Variants in RBM38 observed in about 807,000 individuals in gnomAD.
The protein encoded by RBM38 is RNA binding motif protein 38.
A neutral mutation model predicts 23.5 loss-of-function variants in RBM38; 11 were observed. The ratio of observed to expected loss-of-function variants is 0.47; its 90% confidence interval spans 0.29 to 0.77. RBM38 has a LOEUF of 0.77. RBM38 is among the 30% of genes least tolerant of loss of function. The pLI is 0.08. For synonymous variants in RBM38, 165 were observed against 166.1 expected (o/e 0.99, Z 0.05); for missense variants, 330 against 351.9 (o/e 0.94, Z 0.50).
intron 3 of RBM38, 116 bp downstream of exon 3, chr20:57,393,449 G>C (rs1013811319): frequency 8.6e-6 from 10 of 1,168,576 alleles, no homozygotes; most frequent in Non-Finnish European, 1.3e-5. Flanking sequence ...ATTTGATTGC[G>C]TTTAAGCCAA....
chr20:57,398,231 G>A (rs1343509959), intron 3 of RBM38, among the ~76,000 whole-genome samples: 1 of 150,494 alleles, frequency 6.6e-6, no homozygotes, highest in East Asian at 1.9e-4. Flanking sequence ...AGCCAGAGGA[G>A]CTGTTTGCAG....
rs1317936935 is a variant in RBM38, at chr20:57,408,606, T to TG, written c.*761dup. ...AACCTATTTTTGACTTGGAGAGACTTGCTTTTGTTGGTTCCGCCCGTGGAG... is the reference window on the plus strand; with the variant it reads ...AACCTATTTTTGACTTGGAGAGACTTGGCTTTTGTTGGTTCCGCCCGTGGAG... On this transcript the variant is annotated 3_prime_UTR_variant, in exon 4 of 4. Coordinates refer to ENST00000356208, the MANE Select transcript of RBM38 (RefSeq NM_017495.6). 1.3e-5 allele frequency: 2 copies of TG among 152,176 alleles called. No homozygotes were observed. Among genetic ancestry groups the TG allele is most frequent in the Non-Finnish European group, 2.9e-5 (2 of 68,072 alleles). 9.4% of individuals were successfully genotyped at this position (152,176 alleles called of 1,614,324 possible). A position where few individuals can be genotyped will look rare whatever the true frequency, so the allele number is the denominator to read the frequency against.
rs1418807935 is a variant in RBM38, at chr20:57,407,540, C to T, written c.417-3C>T. On this transcript the variant is annotated splice_region_variant and splice_polypyrimidine_tract_variant and intron_variant, in intron 3 of 3. Transcript: ENST00000356208. This position sits in a 1 kb window ranked among gnomAD's most constrained non-coding sequence, Gnocchi z 4.0. ...CCCTAACCTGCTCTGCTTGGCCCCA[C>T]AGGCTGACCCCGCACTACATCTACC... 18 of 1,612,710 alleles carry T rather than the reference C, an allele frequency of 1.1e-5. No individual in the cohort carries two copies. Among genetic ancestry groups the T allele is most frequent in the East Asian group, 2.2e-5 (1 of 44,834 alleles).
At chr20:57,397,441 A>T (rs117577909) in intron 3 of RBM38, among the ~76,000 whole-genome samples, 2 of 152,182 alleles carry the variant, frequency 1.3e-5, no homozygotes, top group Non-Finnish European at 2.9e-5. Context: ...CTCGAGACTG[A>T]TGATGACCGT....
At chr20:57,392,390 C>T in intron 1 of RBM38, 1 of 1,508,652 alleles carries the variant, frequency 6.6e-7, no homozygotes, top group Non-Finnish European at 8.9e-7. Flanking sequence ...TTGCCCTATC[C>T]CCGCAGGGGA....
intron 3 of RBM38, among the ~76,000 whole-genome samples, chr20:57,398,317 T>C (rs901093271): frequency 1.3e-5 from 2 of 152,016 alleles, no homozygotes; most frequent in Non-Finnish European, 2.9e-5. Context: ...AAGGCTCCAC[T>C]GAGGATGGCG....
chr20:57,398,249 C>CGTGTGTGTGT, intron 3 of RBM38, among the ~76,000 whole-genome samples: 1 of 149,112 alleles, frequency 6.7e-6, no homozygotes, highest in South Asian at 2.1e-4. Flanking sequence ...CAGGTGATGG[C>CGTGTGTGTGT]GTGTGTGTGT....
chr20:57,394,304 C>G (rs535170046), intron 3 of RBM38, among the ~76,000 whole-genome samples: 2 of 152,242 alleles, frequency 1.3e-5, no homozygotes, highest in South Asian at 2.1e-4. Flanking sequence ...TCCTGTGGAA[C>G]CCGGCTGAGC....
chr20:57,406,747 AC>A (rs533873495), intron 3 of RBM38, among the ~76,000 whole-genome samples: 2 of 152,280 alleles, frequency 1.3e-5, no homozygotes, highest in African/African-American at 4.8e-5. Flanking sequence ...TAATCCCAGC[AC>A]TTTGGGAGGC....
intron 3 of RBM38, among the ~76,000 whole-genome samples, chr20:57,400,955 C>A (rs974578398): frequency 2.0e-5 from 3 of 152,160 alleles, no homozygotes; most frequent in African/African-American, 7.2e-5. Context: ...AGGGCCGATT[C>A]CAAAGTGGCT....
intron 3 of RBM38, among the ~76,000 whole-genome samples, chr20:57,398,333 G>A (rs2067295473): frequency 6.6e-6 from 1 of 152,158 alleles, no homozygotes; most frequent in Non-Finnish European, 1.5e-5. Context: ...TGGCGGAAAT[G>A]GGCCCTGTTG....
intron 3 of RBM38, chr20:57,399,841 G>T: frequency 4.4e-6 from 2 of 455,666 alleles, no homozygotes; most frequent in South Asian, 3.1e-5. Context: ...TAAGAGCTGC[G>T]GTCCGTCTCT....
intron 3 of RBM38, among the ~76,000 whole-genome samples, chr20:57,400,340 A>T (rs1196879693): frequency 6.6e-6 from 1 of 152,046 alleles, no homozygotes; most frequent in East Asian, 1.9e-4. Context: ...ACGGGAAGGG[A>T]GGCAGGCACC....
At chr20:57,400,606 A>G (rs898869225) in intron 3 of RBM38, among the ~76,000 whole-genome samples, 8 of 152,134 alleles carry the variant, frequency 5.3e-5, no homozygotes, top group Admixed American at 2.0e-4. Context: ...CCCAGTGTCC[A>G]GCGTTGCAGT....
chr20:57,391,578 C>T lies in RBM38; in HGVS notation c.-4C>T, dbSNP rs1269039276. ...CCGGGTCCGTAGGCGGCGGGGCGCC[C>T]CCCATGCTGCTGCAGCCCGCGCCGT... On this transcript the variant is annotated 5_prime_UTR_variant, in exon 1 of 4. Coordinates refer to ENST00000356208, the MANE Select transcript of RBM38 (RefSeq NM_017495.6). The T allele has an allele frequency of 8.4e-7, 1 of 1,192,274 alleles. No homozygotes were observed. Among genetic ancestry groups the T allele is most frequent in the Non-Finnish European group, 1.1e-6 (1 of 952,078 alleles). 73.9% of individuals were successfully genotyped at this position (1,192,274 alleles called of 1,614,324 possible). A position where few individuals can be genotyped will look rare whatever the true frequency, so the allele number is the denominator to read the frequency against.
intron 3 of RBM38, among the ~76,000 whole-genome samples, chr20:57,394,226 C>T (rs757650810): frequency 1.3e-5 from 2 of 152,176 alleles, no homozygotes; most frequent in Non-Finnish European, 2.9e-5. Context: ...GTGCGCACCA[C>T]GTAGATTCCA....
At chr20:57,399,242 C>G (rs972986244) in intron 3 of RBM38, among the ~76,000 whole-genome samples, 2 of 152,172 alleles carry the variant, frequency 1.3e-5, no homozygotes, top group Non-Finnish European at 2.9e-5. Context: ...CAAGTGACAC[C>G]GGACCACGCA....
Position 57,401,525 on chromosome 20 carries a change from G to C in RBM38, c.417-6018G>C, listed in dbSNP as rs572122915. Among the ~76,000 whole-genome samples the C allele has an allele frequency of 2.6e-5, 4 of 152,368 alleles. No individual in the cohort carries two copies. The South Asian group carries it at 8.3e-4, about 32-fold the overall frequency. ...TTGCCTCCCAGCTACCTGCAAAGCC[G>C]GGGCCTGCCTCAGATGCTCAGCACT... On this transcript the variant is annotated intron_variant, in intron 3 of 3. Transcript: ENST00000356208.
Position 57,407,800 on chromosome 20 carries a change from T to C in RBM38, c.674T>C (p.Phe225Ser), listed in dbSNP as rs746215170. The C allele has an allele frequency of 1.9e-6, 3 of 1,598,812 alleles. No homozygotes were observed. The highest frequency in any genetic ancestry group is 2.3e-5 in the East Asian group (1 of 44,302). ...LSAAAPAGTT[F>S]VQYQAPQLQP... ...GCCGCAGCACCCGCGGGCACCACTT[T>C]CGTGCAGTACCAGGCGCCGCAGCTG... The change falls in exon 4 of 4, where the codon TTC (phenylalanine) becomes TCC (serine). Residue 225 changes from phenylalanine to serine, a missense_variant. Physicochemically the swap from Phe to Ser is radical, Grantham distance 155 (BLOSUM62 -2). Transcript: ENST00000356208. The surrounding 1 kb of genome is among the most constrained non-coding windows in gnomAD (Gnocchi z 4.0).
Sources: gnomAD v4.1 joint callset for allele counts (sites outside exome capture counted in the v4.1 genomes callset) on GRCh38, gnomAD v4.1.1 for gene constraint, Gnocchi (gnomAD v3.1) non-coding constraint, MANE v1.5 for transcripts, NCBI Gene and HGNC (gene_info 2026-07-23, HGNC 2026-07-21) for gene names.